ABLIM1: variants seen among roughly 807,000 people sequenced by gnomAD.
ABLIM1 encodes the protein actin binding LIM protein 1.
A neutral mutation model predicts 107.0 loss-of-function variants in ABLIM1; 40 were observed. The observed-to-expected ratio is 0.37, with a 90% confidence interval of 0.29 to 0.49. The LOEUF (loss-of-function observed/expected upper bound fraction) is 0.49. Ranked by LOEUF, ABLIM1 falls within the 20% of genes least tolerant of loss-of-function variation. The pLI, the probability that ABLIM1 is intolerant of heterozygous loss-of-function variation, is 0.97. For synonymous variants in ABLIM1, 357 were observed against 357.3 expected (o/e 1.00, Z 0.01); for missense variants, 857 against 1,008.5 (o/e 0.85, Z 2.04).
At chr10:114,750,362 C>G (rs1037606002) in intron 1 of ABLIM1, among the ~76,000 whole-genome samples, 1 of 152,182 alleles carries the variant, frequency 6.6e-6, no homozygotes, top group African/African-American at 2.4e-5. Flanking sequence ...AAACACTTTC[C>G]ATAATCTCCA....
At chr10:114,491,493 T>C (rs2058996385) in intron 7 of ABLIM1, among the ~76,000 whole-genome samples, 1 of 152,130 alleles carries the variant, frequency 6.6e-6, no homozygotes, top group Non-Finnish European at 1.5e-5. Flanking sequence ...GGAGAGGAGA[T>C]ATTGCTGATT....
intron 1 of ABLIM1, among the ~76,000 whole-genome samples, chr10:114,626,268 T>C (rs1301233632): frequency 6.6e-6 from 1 of 152,134 alleles, no homozygotes; most frequent in African/African-American, 2.4e-5. Context: ...TATCAAACCA[T>C]AAAGGGTGCT....
At chr10:114,756,615 T>G (rs556920146) in intron 1 of ABLIM1, among the ~76,000 whole-genome samples, 1 of 152,324 alleles carries the variant, frequency 6.6e-6, no homozygotes, top group South Asian at 2.1e-4. Context: ...ATATTGTGTC[T>G]GCATGTTACA....
intron 1 of ABLIM1, among the ~76,000 whole-genome samples, chr10:114,670,205 C>A (rs564917278): frequency 7.2e-5 from 11 of 152,224 alleles, no homozygotes; most frequent in African/African-American, 2.6e-4. Flanking sequence ...TCATTCATAT[C>A]CTTCCCAAAA....
chr10:114,549,829 A>C (rs1938443793), intron 4 of ABLIM1, among the ~76,000 whole-genome samples: 1 of 152,216 alleles, frequency 6.6e-6, no homozygotes. Flanking sequence ...TGTTCAAAAT[A>C]GATCAAGTAA....
intron 1 of ABLIM1, among the ~76,000 whole-genome samples, chr10:114,605,671 A>C (rs2076360506): frequency 6.6e-6 from 1 of 152,128 alleles, no homozygotes; most frequent in African/African-American, 2.4e-5. Flanking sequence ...AACCAAAAGC[A>C]TGGCTGCACA....
At chr10:114,450,091 A>C (rs978699832) in intron 14 of ABLIM1, 2 of 401,820 alleles carry the variant, frequency 5.0e-6, no homozygotes, top group African/African-American at 4.3e-5. Flanking sequence ...AAATGCTGAG[A>C]ATTTTATTCT....
chr10:114,714,513 T>C (rs2081618435), intron 1 of ABLIM1, among the ~76,000 whole-genome samples: 1 of 152,232 alleles, frequency 6.6e-6, no homozygotes, highest in African/African-American at 2.4e-5. Context: ...GGGCATGTGA[T>C]GCCATTGTGA....
chr10:114,511,245 C>T (rs1045330041), intron 6 of ABLIM1, among the ~76,000 whole-genome samples: 18 of 151,998 alleles, frequency 1.2e-4, no homozygotes, highest in African/African-American at 3.6e-4. Flanking sequence ...AAAATTCTAA[C>T]GTCACAGAAC....
At chr10:114,769,563 G>GAAGA (rs142961278), upstream of ABLIM1, among the ~76,000 whole-genome samples, 24 of 148,136 alleles carry the variant, frequency 1.6e-4, no homozygotes, top group African/African-American at 5.0e-4. Context: ...AAAGAGAAGG[G>GAAGA]AAGAAAGAAA....
At chr10:114,739,130 CT>C (rs1422795976) in intron 1 of ABLIM1, among the ~76,000 whole-genome samples, 3 of 152,168 alleles carry the variant, frequency 2.0e-5, no homozygotes, top group Non-Finnish European at 4.4e-5. Context: ...TGAACAGTCT[CT>C]TTTAAAAACT....
intron 3 of ABLIM1, among the ~76,000 whole-genome samples, chr10:114,572,598 C>T (rs949572233): frequency 2.0e-5 from 3 of 152,162 alleles, no homozygotes; most frequent in African/African-American, 7.2e-5. Flanking sequence ...AAGTGACATG[C>T]CTGGACTGAC....
At chr10:114,545,547 A>C (rs2067217473) in intron 5 of ABLIM1, among the ~76,000 whole-genome samples, 1 of 152,242 alleles carries the variant, frequency 6.6e-6, no homozygotes. Context: ...CCTGAAGGCA[A>C]AACACTAGCG....
rs1774455854 is a variant in ABLIM1, at chr10:114,760,376, C to T, written c.-213+7685G>A. On this transcript the variant is annotated intron_variant, in intron 1 of 15. Coordinates refer to the ABLIM1 transcript ENST00000651092. Reference sequence around the variant, plus strand: ...ATTACAACCCCACTGACTTCTATTCCATTCTCAGCAAGAAGAAAATTTCTC... The same window carrying T: ...ATTACAACCCCACTGACTTCTATTCTATTCTCAGCAAGAAGAAAATTTCTC... Among the ~76,000 whole-genome samples, 3 of 150,870 alleles carry T rather than the reference C, an allele frequency of 2.0e-5. No homozygotes were observed. In the Admixed American group the frequency reaches 2.0e-4, roughly 10 times the overall value.
intron 1 of ABLIM1, among the ~76,000 whole-genome samples, chr10:114,649,317 G>A (rs751507995): frequency 6.6e-6 from 1 of 151,610 alleles, no homozygotes; most frequent in South Asian, 2.1e-4. Flanking sequence ...ACAGAGAATC[G>A]CTGGAACCCG....
intron 1 of ABLIM1, among the ~76,000 whole-genome samples, chr10:114,638,255 T>C: frequency 6.6e-6 from 1 of 152,336 alleles, no homozygotes; most frequent in Middle Eastern, 3.4e-3. Flanking sequence ...ATTCAGTCTC[T>C]TAGATAAAAA....
chr10:114,487,267 TAGGTTAACCCA>T (rs1204255504), intron 8 of ABLIM1, among the ~76,000 whole-genome samples: 1 of 152,180 alleles, frequency 6.6e-6, no homozygotes, highest in Non-Finnish European at 1.5e-5. Context: ...ACCACTAAGT[TAGGTTAACCCA>T]AGGCACTGGG....
chr10:114,620,553 T>C (rs2077403801), intron 1 of ABLIM1, among the ~76,000 whole-genome samples: 1 of 151,980 alleles, frequency 6.6e-6, no homozygotes, highest in South Asian at 2.1e-4. Flanking sequence ...GGAATTACAG[T>C]TATGCACCAT....
chr10:114,486,755 A>T (rs1443369757), intron 8 of ABLIM1, among the ~76,000 whole-genome samples: 2 of 152,132 alleles, frequency 1.3e-5, no homozygotes, highest in African/African-American at 2.4e-5. Flanking sequence ...ATAATTGTGC[A>T]TTCTAAAAGC....
Sources: allele counts gnomAD v4.1 joint callset (sites outside exome capture counted in the v4.1 genomes callset), GRCh38; gene constraint gnomAD v4.1.1; transcripts MANE v1.5; gene names NCBI Gene and HGNC (gene_info 2026-07-23, HGNC 2026-07-21).